Variants in NALF1 observed in about 807,000 individuals in gnomAD.
The protein encoded by NALF1 is NALCN channel auxiliary factor 1.
Under a neutral mutation model 48.4 loss-of-function variants are expected in NALF1, and 3 were observed. The ratio of observed to expected loss-of-function variants is 0.06; its 90% CI spans 0.03 to 0.16. The LOEUF is 0.16. Among genes scored for constraint, NALF1 ranks in the 10% least tolerant of loss-of-function variants. NALF1 has a pLI of 1.00. For missense variants in NALF1, 526 were observed against 571.5 expected (o/e 0.92, Z 0.81); for synonymous variants, 262 against 245.7 (o/e 1.07, Z -0.62).
At chr13:107,757,295 G>C (rs548257659) in intron 1 of NALF1, among the ~76,000 whole-genome samples, 10 of 152,276 alleles carry the variant, frequency 6.6e-5, no homozygotes, top group Admixed American at 6.5e-4. Flanking sequence ...GGGTGGGACG[G>C]AGAGGGGGAG....
intron 1 of NALF1, among the ~76,000 whole-genome samples, chr13:107,274,214 T>C (rs1881232801): frequency 6.6e-6 from 1 of 152,114 alleles, no homozygotes; most frequent in Admixed American, 6.6e-5. Context: ...ATTTTCTTTT[T>C]AGAACATCTA....
At chr13:107,708,919 G>A (rs901189903) in intron 1 of NALF1, among the ~76,000 whole-genome samples, 3 of 152,138 alleles carry the variant, frequency 2.0e-5, no homozygotes, top group Non-Finnish European at 2.9e-5. Context: ...TAAGTAAAGT[G>A]TGTTTATCAA....
intron 1 of NALF1, among the ~76,000 whole-genome samples, chr13:107,537,256 T>G (rs1464730417): frequency 2.0e-5 from 3 of 151,666 alleles, no homozygotes; most frequent in Non-Finnish European, 4.4e-5. Context: ...AAAAAGGGAG[T>G]GTTTCATATG....
intron 1 of NALF1, among the ~76,000 whole-genome samples, chr13:107,426,358 A>C (rs998709906): frequency 1.3e-5 from 2 of 152,186 alleles, no homozygotes; most frequent in African/African-American, 4.8e-5. Context: ...CAGCGCCAAG[A>C]GAACAGGCGT....
chr13:107,704,325 T>C (rs1361560175), intron 1 of NALF1, among the ~76,000 whole-genome samples: 1 of 152,178 alleles, frequency 6.6e-6, no homozygotes, highest in Non-Finnish European at 1.5e-5. Flanking sequence ...TTTTCTTTTG[T>C]TCTTTCTTTT....
At chr13:107,387,488 G>T (rs1294276539) in intron 1 of NALF1, among the ~76,000 whole-genome samples, 1 of 152,202 alleles carries the variant, frequency 6.6e-6, no homozygotes, top group African/African-American at 2.4e-5. Flanking sequence ...GTCTACTGCT[G>T]TCTTGTTCAA....
rs532178855 is a variant in NALF1, at chr13:107,754,934, C to T, written c.915+110748G>A. Among the ~76,000 whole-genome samples the T allele has an allele frequency of 3.3e-5, 5 of 152,092 alleles. No homozygotes were observed. The South Asian group carries it at 8.3e-4, about 25-fold the overall frequency. On this transcript the variant is annotated intron_variant, in intron 1 of 2. Coordinates refer to ENST00000375915, the MANE Select transcript of NALF1 (RefSeq NM_001080396.3). ...TTAAAACTTCTTTTCATGTTTTCCT[C>T]GAATTTATTTTATTAAGAATTTCAG...
intron 1 of NALF1, among the ~76,000 whole-genome samples, chr13:107,628,510 T>C (rs1400741663): frequency 2.0e-5 from 3 of 152,140 alleles, no homozygotes; most frequent in East Asian, 3.9e-4. Context: ...TATTAGTTAG[T>C]AGGTTTCCAC....
At chr13:107,459,096 A>G (rs1884874204) in intron 1 of NALF1, among the ~76,000 whole-genome samples, 1 of 152,140 alleles carries the variant, frequency 6.6e-6, no homozygotes, top group Non-Finnish European at 1.5e-5. Context: ...TGCTCTGTGA[A>G]GACCATTAAA....
At chr13:107,593,458 C>T (rs1410804025) in intron 1 of NALF1, among the ~76,000 whole-genome samples, 1 of 151,822 alleles carries the variant, frequency 6.6e-6, no homozygotes, top group African/African-American at 2.4e-5. Flanking sequence ...AGGTCATTAT[C>T]CTCTAGTCAC....
intron 1 of NALF1, among the ~76,000 whole-genome samples, chr13:107,443,160 T>C (rs1022121987): frequency 2.8e-5 from 4 of 144,450 alleles, no homozygotes; most frequent in Admixed American, 7.0e-5. Context: ...TATTATTTAT[T>C]TATCTAACAA....
rs1286759011 is a variant in NALF1 at position 107,164,991 on chromosome 13, G to A, written c.*5506C>T. Reference sequence around the variant, plus strand: ...TCTTTTAAGCCTCCAATGTTGCCACGAAGTATTCTTCTTGCATGAGGTGTC... The same window carrying A: ...TCTTTTAAGCCTCCAATGTTGCCACAAAGTATTCTTCTTGCATGAGGTGTC... On this transcript the variant is annotated 3_prime_UTR_variant, in exon 3 of 3. Coordinates refer to ENST00000375915, the MANE Select transcript of NALF1 (RefSeq NM_001080396.3). 3 of 152,068 alleles carry A rather than the reference G, an allele frequency of 2.0e-5. No individual in the cohort carries two copies. The highest frequency in any genetic ancestry group is 4.1e-4 in the South Asian group (2 of 4,822). The allele number at this position is 152,068 out of a possible 1,614,324, so 9.4% of individuals were successfully genotyped here.
rs3832903 is a variant in NALF1 at position 107,866,367 on chromosome 13, C to CGCT, written c.227_229dup (p.Gln76dup). 79 of 1,572,960 alleles carry CGCT rather than the reference C, an allele frequency of 5.0e-5. No individual in the cohort carries two copies. The South Asian group carries it at 6.6e-4, about 13-fold the overall frequency. ...CTGCTGCTGCTGCTGCTGCTGCTGC[C>CGCT]GCTGCTGCTGCTGGTGCTCCTTGTC... On this transcript the variant is annotated inframe_insertion, in exon 1 of 3. Coordinates refer to ENST00000375915, the MANE Select transcript of NALF1 (RefSeq NM_001080396.3). This position sits in a 1 kb window ranked among gnomAD's most constrained non-coding sequence, Gnocchi z 4.4.
At chr13:107,640,171 AAAG>A (rs1450608678) in intron 1 of NALF1, among the ~76,000 whole-genome samples, 10 of 152,184 alleles carry the variant, frequency 6.6e-5, no homozygotes, top group Non-Finnish European at 1.3e-4. Context: ...CTGCCAAAAA[AAAG>A]AAGAAAACAA....
chr13:107,245,117 G>A (rs1388826557), intron 1 of NALF1, among the ~76,000 whole-genome samples: 3 of 152,108 alleles, frequency 2.0e-5, no homozygotes, highest in African/African-American at 4.8e-5. Flanking sequence ...GTGCCCATGT[G>A]GGATAATCAT....
chr13:107,782,044 CTCTCCCTCTCCCCACGG>C (rs1314793533), intron 1 of NALF1, among the ~76,000 whole-genome samples: 1 of 152,088 alleles, frequency 6.6e-6, no homozygotes, highest in Non-Finnish European at 1.5e-5. Context: ...CCTCTCCCTC[CTCTCCCTCTCCCCACGG>C]TCTCCCTCTC....
chr13:107,398,200 G>A (rs2030807631), intron 1 of NALF1, among the ~76,000 whole-genome samples: 1 of 152,010 alleles, frequency 6.6e-6, no homozygotes, highest in African/African-American at 2.4e-5. Flanking sequence ...AACGATCATT[G>A]CTTACGTATT....
intron 1 of NALF1, among the ~76,000 whole-genome samples, chr13:107,521,154 T>A (rs1876225217): frequency 6.6e-6 from 1 of 152,196 alleles, no homozygotes; most frequent in African/African-American, 2.4e-5. Flanking sequence ...AACTGCGATG[T>A]GATACTGGCT....
chr13:107,307,059 T>G (rs953729135), intron 1 of NALF1, among the ~76,000 whole-genome samples: 1 of 152,220 alleles, frequency 6.6e-6, no homozygotes, highest in African/African-American at 2.4e-5. Context: ...CTTTTCTTAA[T>G]AACACGTTTT....
Sources: gnomAD v4.1 joint callset for allele counts (sites outside exome capture counted in the v4.1 genomes callset) on GRCh38, gnomAD v4.1.1 for gene constraint, Gnocchi (gnomAD v3.1) non-coding constraint, MANE v1.5 for transcripts, NCBI Gene and HGNC (gene_info 2026-07-23, HGNC 2026-07-21) for gene names.